The following MID2 variants were observed in gnomAD, a reference collection of about 807,000 sequenced individuals.
The protein encoded by MID2 is probable E3 ubiquitin-protein ligase MID2.
A neutral mutation model predicts 46.1 loss-of-function variants in MID2; 13 were observed. That is an observed-to-expected ratio of 0.28 (90% CI 0.18 to 0.45). The LOEUF (loss-of-function observed/expected upper bound fraction) is 0.45. MID2 is among the 20% of genes least tolerant of loss of function. MID2 has a pLI of 1.00. For synonymous variants in MID2, 199 were observed against 212.3 expected (o/e 0.94, Z 0.55); for missense variants, 431 against 575.4 (o/e 0.75, Z 2.57).
At chrX:107,851,838 T>G (rs1203208834) in intron 2 of MID2, among the ~76,000 whole-genome samples, 1 of 105,189 alleles carries the variant, frequency 9.5e-6, no homozygotes, top group Non-Finnish European at 1.9e-5. Context: ...ATGCCATATA[T>G]TTTATTTCTT....
intron 3 of MID2, among the ~76,000 whole-genome samples, chrX:107,900,165 T>A (rs1313528235): frequency 9.0e-6 from 1 of 111,378 alleles, no homozygotes; most frequent in Non-Finnish European, 1.9e-5. Context: ...TGGTTTTATC[T>A]CCCCTGATGT....
At position 107,921,331 on chromosome X, in the gene MID2, C is replaced by A. The variant is rs766857677; in HGVS notation, c.1436-3012C>A. On this transcript the variant is annotated intron_variant, in intron 7 of 9. Transcript: ENST00000262843. ...TCTTAGGGTATAATATCTGGAGACA[C>A]ATGATGTCCACTTGCCCTTCACTGA... Among the ~76,000 whole-genome samples, 7 of 111,485 alleles carry A rather than the reference C, an allele frequency of 6.3e-5. No individual in the cohort carries two copies. In the East Asian group the frequency reaches 2.0e-3, roughly 31 times the overall value.
At chrX:107,909,809 C>T (rs1311293807) in intron 5 of MID2, among the ~76,000 whole-genome samples, 2 of 112,266 alleles carry the variant, frequency 1.8e-5, no homozygotes, top group African/African-American at 3.2e-5. Context: ...CGTTCACTGC[C>T]GTTTTGAATC....
intron 1 of MID2, among the ~76,000 whole-genome samples, chrX:107,826,821 G>C: frequency 8.8e-6 from 1 of 113,602 alleles, no homozygotes; most frequent in Non-Finnish European, 1.9e-5. Context: ...CCCGCAGCCG[G>C]CAGCCTCCTC....
chrX:107,846,922 G>A (rs1359861571), intron 2 of MID2, among the ~76,000 whole-genome samples: 1 of 112,066 alleles, frequency 8.9e-6, no homozygotes, highest in Non-Finnish European at 1.9e-5. Context: ...TAGAAATCCT[G>A]TCTGTTATTG....
Position 107,826,127 on chromosome X carries a change from C to A in MID2, c.-300C>A. On this transcript the variant is annotated 5_prime_UTR_variant, in exon 1 of 10. Coordinates refer to ENST00000262843, the MANE Select transcript of MID2 (RefSeq NM_012216.4). Reference sequence around the variant, plus strand: ...TGCTGCCGTGGTGTCATGGTGCTGCCCCTGGACTGAGGGGCGAAAACTCTT... The same window carrying A: ...TGCTGCCGTGGTGTCATGGTGCTGCACCTGGACTGAGGGGCGAAAACTCTT... 1.0e-5 allele frequency: 3 copies of A among 297,368 alleles called. No individual in the cohort carries two copies. Among genetic ancestry groups the A allele is most frequent in the Non-Finnish European group, 1.8e-5 (3 of 170,236 alleles). 24.5% of individuals were successfully genotyped at this position (297,368 alleles called of 1,213,427 possible).
At chrX:107,892,623 G>T (rs1324502203) in intron 3 of MID2, among the ~76,000 whole-genome samples, 5 of 111,501 alleles carry the variant, frequency 4.5e-5, no homozygotes, top group Non-Finnish European at 9.4e-5. Context: ...ACCCTTTAAT[G>T]GTTCCCCCAC....
chrX:107,874,245 A>C lies in MID2; in HGVS notation c.816+19541A>C, dbSNP rs954046104. 5.4e-5 allele frequency among the ~76,000 whole-genome samples: 6 copies of C among 112,068 alleles called. No individual in the cohort carries two copies. In the East Asian group the frequency reaches 1.7e-3, roughly 32 times the overall value. Reference sequence around the variant, plus strand: ...AAGGTGGCTGGATTTAGGGAGGGACAGGTTCTTAATTGGACTTCAGATCCC... The same window carrying C: ...AAGGTGGCTGGATTTAGGGAGGGACCGGTTCTTAATTGGACTTCAGATCCC... On this transcript the variant is annotated intron_variant, in intron 3 of 9. Transcript: ENST00000262843.
At chrX:107,886,836 G>C (rs1187547191) in intron 3 of MID2, among the ~76,000 whole-genome samples, 34 of 111,526 alleles carry the variant, frequency 3.0e-4, no homozygotes, top group Admixed American at 1.2e-3. Flanking sequence ...AGAGGTCCTT[G>C]ACATCCCTTG....
chrX:107,869,842 A>G (rs987520981), intron 3 of MID2, among the ~76,000 whole-genome samples: 6 of 110,850 alleles, frequency 5.4e-5, no homozygotes, highest in African/African-American at 1.6e-4. Context: ...TTAAAAAAAA[A>G]ACCTAGAGTC....
intron 3 of MID2, among the ~76,000 whole-genome samples, chrX:107,866,967 A>G (rs1009491021): frequency 8.9e-5 from 10 of 112,139 alleles, no homozygotes; most frequent in African/African-American, 3.2e-4. Context: ...AAACTCAGAT[A>G]GCTAAATGAT....
At chrX:107,882,034 G>T (rs1361001315) in intron 3 of MID2, among the ~76,000 whole-genome samples, 1 of 111,757 alleles carries the variant, frequency 8.9e-6, no homozygotes, top group African/African-American at 3.3e-5. Context: ...CAGAACAGAG[G>T]CCTCAGAAAT....
At chrX:107,922,580 A>G (rs961197560) in intron 7 of MID2, among the ~76,000 whole-genome samples, 2 of 110,700 alleles carry the variant, frequency 1.8e-5, no homozygotes, top group Non-Finnish European at 3.8e-5. Flanking sequence ...TCCACCCCCT[A>G]CCCCTTGTGG....
intron 8 of MID2, among the ~76,000 whole-genome samples, chrX:107,925,213 C>T (rs1034120154): frequency 8.9e-6 from 1 of 112,439 alleles, no homozygotes; most frequent in African/African-American, 3.2e-5. Flanking sequence ...CTTCCATCTG[C>T]TTCCATGTTC....
intron 2 of MID2, among the ~76,000 whole-genome samples, 175 bp downstream of exon 2, chrX:107,841,560 C>T (rs1373807630): frequency 8.9e-6 from 1 of 112,692 alleles, no homozygotes; most frequent in East Asian, 2.8e-4. Flanking sequence ...TCATCTGTTG[C>T]ATAAACATTC....
At chrX:107,916,546 T>A (rs1932973821) in intron 6 of MID2, among the ~76,000 whole-genome samples, 1 of 111,638 alleles carries the variant, frequency 9.0e-6, no homozygotes, top group African/African-American at 3.3e-5. Context: ...GGAAGAAAAA[T>A]GTAAGAAATA....
At chrX:107,846,997 A>G (rs749759345) in intron 2 of MID2, among the ~76,000 whole-genome samples, 3 of 112,106 alleles carry the variant, frequency 2.7e-5, no homozygotes, top group African/African-American at 6.5e-5. Flanking sequence ...AACAAGAATT[A>G]CTGAACACAA....
rs773603465 is a variant in MID2, at chrX:107,841,233, C to T, written c.568C>T (p.Leu190Phe). The change falls in exon 2 of 10, where the codon CTT becomes TTT. Residue 190 changes from leucine to phenylalanine, a missense_variant. By Grantham distance (22) the Leu-to-Phe change is conservative. Transcript: ENST00000262843. Reference protein sequence around the residue: ...RLVEPVPDTHLRGITCLDHEN... With the variant: ...RLVEPVPDTHFRGITCLDHEN... The stretch of plus-strand genomic sequence containing the variant: ...GGTGGAACCAGTGCCAGACACACAT[C>T]TTCGAGGGATCACCTGCCTGGACCA... The T allele has an allele frequency of 8.3e-7, 1 of 1,211,569 alleles. No homozygotes were observed. The highest frequency in any genetic ancestry group is 1.8e-5 in the South Asian group (1 of 56,948).
chrX:107,888,572 C>T (rs918208165), intron 3 of MID2, among the ~76,000 whole-genome samples: 2 of 111,992 alleles, frequency 1.8e-5, no homozygotes, highest in Non-Finnish European at 3.8e-5. Flanking sequence ...TGGTGTGGTG[C>T]TGAAAAGAAT....
Sources: gnomAD v4.1 joint callset for allele counts (sites outside exome capture counted in the v4.1 genomes callset) on GRCh38, gnomAD v4.1.1 for gene constraint, MANE v1.5 for transcripts, NCBI Gene and HGNC (gene_info 2026-07-23, HGNC 2026-07-21) for gene names.